The following ASIC2 variants were observed in gnomAD, a reference collection of about 807,000 sequenced individuals.
ASIC2 encodes the protein acid sensing ion channel subunit 2.
A neutral mutation model predicts 57.3 loss-of-function variants in ASIC2; 25 were observed. The ratio of observed to expected loss-of-function variants is 0.44; its 90% CI spans 0.32 to 0.61. The LOEUF (loss-of-function observed/expected upper bound fraction) is 0.61. Ranked by LOEUF, ASIC2 falls within the 20% of genes least tolerant of loss-of-function variation. ASIC2 has a pLI of 0.06. For synonymous variants in ASIC2, 319 were observed against 307.5 expected (o/e 1.04, Z -0.39); for missense variants, 641 against 738.1 (o/e 0.87, Z 1.52).
At chr17:33,313,056 C>G (rs1467281233) in intron 1 of ASIC2, among the ~76,000 whole-genome samples, 1 of 152,142 alleles carries the variant, frequency 6.6e-6, no homozygotes, top group South Asian at 2.1e-4. Context: ...ACCTATAATC[C>G]TAGTACTTTG....
At chr17:33,569,729 TATCCATCCGTCCATCCATCCATCC>T (rs1231014745) in intron 1 of ASIC2, among the ~76,000 whole-genome samples, 2 of 152,136 alleles carry the variant, frequency 1.3e-5, no homozygotes, top group Admixed American at 6.6e-5. Flanking sequence ...TCCATCCATC[TATCCATCCGTCCATCCATCCATCC>T]ATACATGTAT....
chr17:33,610,686 A>T (rs924565953), intron 1 of ASIC2, among the ~76,000 whole-genome samples: 2 of 151,928 alleles, frequency 1.3e-5, no homozygotes, highest in African/African-American at 4.8e-5. Flanking sequence ...CAACAAAAAG[A>T]GACCCCCAGA....
intron 1 of ASIC2, among the ~76,000 whole-genome samples, chr17:33,197,530 C>A (rs972641390): frequency 3.9e-5 from 6 of 152,252 alleles, no homozygotes; most frequent in African/African-American, 1.4e-4. Context: ...TCCAAGCCAG[C>A]TGACAGGGCC....
At chr17:33,487,331 G>GC (rs375428176) in intron 1 of ASIC2, among the ~76,000 whole-genome samples, 44 of 152,264 alleles carry the variant, frequency 2.9e-4, no homozygotes, top group African/African-American at 9.6e-4. Flanking sequence ...GCCAGGAGGG[G>GC]CCCCACATTG....
At position 33,058,486 on chromosome 17, in the gene ASIC2, A is replaced by C. The variant is rs1316032347; in HGVS notation, c.988-30094T>G. On this transcript the variant is annotated intron_variant, in intron 3 of 9. Coordinates refer to ENST00000225823, the MANE Select transcript of ASIC2 (RefSeq NM_183377.2). ...CTGAGAAGTCAAAAAAAAAAAAAAA[A>C]AAAAACAAAACCCAAAACAACAACA... 7.5e-4 allele frequency among the ~76,000 whole-genome samples: 114 copies of C among 151,736 alleles called. 1 individual carries two copies. The highest frequency in any genetic ancestry group is 2.1e-3 in the South Asian group (10 of 4,814).
chr17:33,122,765 G>A (rs371058810), intron 1 of ASIC2, among the ~76,000 whole-genome samples: 3 of 152,088 alleles, frequency 2.0e-5, no homozygotes, highest in Non-Finnish European at 4.4e-5. Flanking sequence ...ACCAGGACTC[G>A]TTCCTCCTGT....
intron 1 of ASIC2, among the ~76,000 whole-genome samples, chr17:33,912,500 A>G: frequency 6.6e-6 from 1 of 151,906 alleles, no homozygotes; most frequent in East Asian, 1.9e-4. Flanking sequence ...AAACAAACAA[A>G]CAAAAATAAA....
intron 3 of ASIC2, among the ~76,000 whole-genome samples, chr17:33,081,016 A>T (rs1026197392): frequency 1.3e-5 from 2 of 152,176 alleles, no homozygotes; most frequent in Non-Finnish European, 2.9e-5. Context: ...AGGCAAGGAG[A>T]GGAAGAGGCT....
chr17:33,300,870 G>T (rs1028480953), intron 1 of ASIC2, among the ~76,000 whole-genome samples: 2 of 152,210 alleles, frequency 1.3e-5, no homozygotes, highest in African/African-American at 4.8e-5. Context: ...GGTAAGTTTA[G>T]TGACTTGTCC....
chr17:34,039,743 A>T, intron 1 of ASIC2: 2 of 1,612,202 alleles, frequency 1.2e-6, no homozygotes, highest in South Asian at 2.2e-5. Context: ...TCACTCAAGG[A>T]TCCGACGCTG....
chr17:33,857,034 A>G (rs1913975814), intron 1 of ASIC2, among the ~76,000 whole-genome samples: 2 of 152,102 alleles, frequency 1.3e-5, no homozygotes, highest in South Asian at 4.1e-4. Context: ...TCAGCGGCCA[A>G]GAGCTCAGGC....
chr17:33,527,722 A>C (rs930988168), intron 1 of ASIC2, among the ~76,000 whole-genome samples: 8 of 152,156 alleles, frequency 5.3e-5, no homozygotes, highest in African/African-American at 1.9e-4. Flanking sequence ...TTTTAGGGAC[A>C]TGTGCCTAAA....
intron 1 of ASIC2, among the ~76,000 whole-genome samples, chr17:33,815,230 G>C (rs1912541708): frequency 6.6e-6 from 1 of 152,164 alleles, no homozygotes; most frequent in Non-Finnish European, 1.5e-5. Flanking sequence ...CATAGGCTCC[G>C]TATCTGCCCA....
chr17:33,891,788 C>T (rs768357429), intron 1 of ASIC2, among the ~76,000 whole-genome samples: 3 of 152,152 alleles, frequency 2.0e-5, no homozygotes, highest in Non-Finnish European at 4.4e-5. Context: ...ATGAAGACAA[C>T]TAAACATTTA....
At chr17:33,141,290 G>A (rs1227140747) in intron 1 of ASIC2, among the ~76,000 whole-genome samples, 2 of 152,234 alleles carry the variant, frequency 1.3e-5, no homozygotes, top group Non-Finnish European at 2.9e-5. Flanking sequence ...CAGCCCTGAG[G>A]GCTCTGCCCC....
chr17:33,970,429 G>A (rs1474668806), intron 1 of ASIC2, among the ~76,000 whole-genome samples: 9 of 152,224 alleles, frequency 5.9e-5, no homozygotes, highest in Admixed American at 2.0e-4. Context: ...GACAGGCAGT[G>A]CCCACACCCA....
chr17:34,065,891 T>C lies in ASIC2; in HGVS notation c.555+90087A>G, dbSNP rs138260139. 6.9e-3 allele frequency among the ~76,000 whole-genome samples: 1,045 copies of C among 152,322 alleles called. 17 individuals carry two copies. The highest frequency in any genetic ancestry group is 0.024 in the African/African-American group (978 of 41,580). The stretch of plus-strand genomic sequence containing the variant: ...AAAAATAATGCTTACAGAGTGTTCA[T>C]GATGGCCAGCCCCTCTTCTAACACC... On this transcript the variant is annotated intron_variant, in intron 1 of 9. Coordinates refer to the ASIC2 transcript ENST00000359872.
chr17:33,978,881 A>G (rs573590126), intron 1 of ASIC2, among the ~76,000 whole-genome samples: 2 of 152,238 alleles, frequency 1.3e-5, no homozygotes, highest in East Asian at 3.9e-4. Context: ...CATAGATAAA[A>G]CCAAAACAGA....
chr17:33,346,900 T>G (rs1343538425), intron 1 of ASIC2, among the ~76,000 whole-genome samples: 1 of 152,060 alleles, frequency 6.6e-6, no homozygotes, highest in Non-Finnish European at 1.5e-5. Flanking sequence ...GAGCGGAAAG[T>G]GTTCCAGGAA....
Sources: allele counts gnomAD v4.1 joint callset (sites outside exome capture counted in the v4.1 genomes callset), GRCh38; gene constraint gnomAD v4.1.1; transcripts MANE v1.5; gene names NCBI Gene and HGNC (gene_info 2026-07-23, HGNC 2026-07-21).